Variants in POLD3 observed in about 807,000 individuals in gnomAD.
The protein encoded by POLD3 is DNA polymerase delta 3, accessory subunit.
A neutral mutation model predicts 58.2 loss-of-function variants in POLD3; 19 were observed. The ratio of observed to expected loss-of-function variants is 0.33; its 90% CI spans 0.23 to 0.48. The LOEUF (loss-of-function observed/expected upper bound fraction) is 0.48. Among genes scored for constraint, POLD3 ranks in the 20% least tolerant of loss-of-function variants. The pLI is 0.99. For synonymous variants in POLD3, 172 were observed against 193.5 expected, an observed-to-expected ratio of 0.89 and a Z score of 0.92; for missense variants, 504 against 545.5, an observed-to-expected ratio of 0.92 and a Z score of 0.76.
At chr11:74,595,078 T>C (rs1343514673) in intron 2 of POLD3, 1 of 152,044 alleles carries the variant, frequency 6.6e-6, no homozygotes, top group Admixed American at 6.6e-5. Flanking sequence ...CTTCTTACAG[T>C]CCTAACAGTA....
At chr11:74,668,519 G>C (rs956816113) in intron 4 of POLD3, among the ~76,000 whole-genome samples, 3 of 152,236 alleles carry the variant, frequency 2.0e-5, no homozygotes, top group South Asian at 2.1e-4. Context: ...AGACTGGAAA[G>C]GTATAGCATA....
downstream of POLD3, among the ~76,000 whole-genome samples, chr11:74,647,102 C>G (rs570887726): frequency 4.6e-5 from 7 of 152,372 alleles, no homozygotes; most frequent in East Asian, 1.3e-3. Context: ...GCATCTAATG[C>G]TGCAGTTGAT....
chr11:74,593,068 G>A (rs2031093957), intron 1 of POLD3: 3 of 1,088,176 alleles, frequency 2.8e-6, no homozygotes, highest in Non-Finnish European at 3.4e-6. Flanking sequence ...TAAGTTTACA[G>A]TTGAGGAAAT....
chr11:74,602,434 T>G (rs996866978), intron 2 of POLD3, among the ~76,000 whole-genome samples: 1 of 152,222 alleles, frequency 6.6e-6, no homozygotes, highest in Admixed American at 6.5e-5. Flanking sequence ...TTCTTTGGGT[T>G]GCCTAGTCCA....
intron 2 of POLD3, among the ~76,000 whole-genome samples, chr11:74,598,192 A>G (rs926053453): frequency 1.3e-5 from 2 of 152,240 alleles, no homozygotes; most frequent in Admixed American, 6.5e-5. Flanking sequence ...TAATTTTTAA[A>G]TGAATCACTG....
intron 4 of POLD3, among the ~76,000 whole-genome samples, chr11:74,649,155 G>A (rs1007165244): frequency 1.3e-5 from 2 of 152,182 alleles, no homozygotes; most frequent in Non-Finnish European, 2.9e-5. Context: ...GGAACTGACT[G>A]CATCTCCCTG....
chr11:74,631,326 T>C (rs1203133245), intron 9 of POLD3, among the ~76,000 whole-genome samples: 1 of 152,168 alleles, frequency 6.6e-6, no homozygotes, highest in Non-Finnish European at 1.5e-5. Context: ...TTAAGCAGAT[T>C]AGTTAACTTG....
At chr11:74,653,107 G>GT (rs1009147511) in intron 4 of POLD3, among the ~76,000 whole-genome samples, 1 of 152,186 alleles carries the variant, frequency 6.6e-6, no homozygotes, top group African/African-American at 2.4e-5. Flanking sequence ...ATATTTAGCT[G>GT]TTTTTGTTGT....
chr11:74,654,794 C>T (rs572249848), intron 4 of POLD3, among the ~76,000 whole-genome samples: 1 of 152,016 alleles, frequency 6.6e-6, no homozygotes, highest in East Asian at 1.9e-4. Flanking sequence ...AACTGCATGC[C>T]CGGGGTATTG....
chr11:74,612,759 T>A (rs2031957050), intron 4 of POLD3, 119 bp from the exon 5 acceptor site: 1 of 758,132 alleles, frequency 1.3e-6, no homozygotes, highest in African/African-American at 1.8e-5. Flanking sequence ...GTGTGGCCTT[T>A]AGAGTTTTTT....
intron 4 of POLD3, among the ~76,000 whole-genome samples, chr11:74,651,950 TAGATAGAGC>T (rs1219246973): frequency 6.6e-6 from 1 of 152,068 alleles, no homozygotes; most frequent in Non-Finnish European, 1.5e-5. Flanking sequence ...CTGTCAGAGG[TAGATAGAGC>T]AGATAGTACC....
chr11:74,602,698 AC>A (rs1169256881), intron 2 of POLD3, among the ~76,000 whole-genome samples: 2 of 152,008 alleles, frequency 1.3e-5, no homozygotes, highest in African/African-American at 4.8e-5. Context: ...AGATCACATT[AC>A]CTCTGCTCTC....
At chr11:74,605,973 A>G (rs1419644781) in intron 3 of POLD3, among the ~76,000 whole-genome samples, 3 of 152,098 alleles carry the variant, frequency 2.0e-5, no homozygotes, top group East Asian at 1.9e-4. Context: ...AGTCCCAGCT[A>G]CTCAGGAGGC....
chr11:74,613,089 A>T, intron 5 of POLD3, 79 bp downstream of exon 5: 2 of 1,282,156 alleles, frequency 1.6e-6, no homozygotes, highest in Non-Finnish European at 2.2e-6. Flanking sequence ...GCCTCTTAAG[A>T]GTGAATGCCA....
chr11:74,652,540 G>A (rs923979012), intron 4 of POLD3: 1 of 152,174 alleles, frequency 6.6e-6, no homozygotes, highest in Admixed American at 6.5e-5. Context: ...ACTCAACCAG[G>A]CTTTGGCAAT....
At chr11:74,656,582 G>A (rs976079347) in intron 4 of POLD3, among the ~76,000 whole-genome samples, 11 of 138,964 alleles carry the variant, frequency 7.9e-5, no homozygotes, top group African/African-American at 2.2e-4. Context: ...ATGAGACTCC[G>A]TCTCAAAAAA....
intron 5 of POLD3, among the ~76,000 whole-genome samples, chr11:74,616,015 A>G (rs2032069854): frequency 6.6e-6 from 1 of 152,202 alleles, no homozygotes; most frequent in East Asian, 1.9e-4. Context: ...GAAAATATTA[A>G]CACCCTGATA....
chr11:74,653,754 A>AT (rs113728171), intron 4 of POLD3, among the ~76,000 whole-genome samples: 28 of 151,004 alleles, frequency 1.9e-4, no homozygotes, highest in Admixed American at 8.6e-4. Context: ...ACCAGGCTAG[A>AT]TTTTTTTTTT....
At chr11:74,600,023 G>T (rs1201608838) in intron 2 of POLD3, among the ~76,000 whole-genome samples, 2 of 150,818 alleles carry the variant, frequency 1.3e-5, no homozygotes, top group African/African-American at 4.9e-5. Context: ...TCGGCTCACT[G>T]CAACCTCCGC....
Sources: gnomAD v4.1 joint callset for allele counts (sites outside exome capture counted in the v4.1 genomes callset) on GRCh38, gnomAD v4.1.1 for gene constraint, MANE v1.5 for transcripts, NCBI Gene and HGNC (gene_info 2026-07-23, HGNC 2026-07-21) for gene names.